Variants in CA8 observed in about 807,000 individuals in gnomAD.
CA8 encodes carbonic anhydrase-related protein.
A neutral mutation model predicts 41.4 loss-of-function variants in CA8; 22 were observed. That is an observed-to-expected ratio of 0.53 (90% CI 0.38 to 0.76). CA8 has a LOEUF of 0.76. CA8 is among the 30% of genes least tolerant of loss of function. CA8 has a pLI of 0.00. For missense variants in CA8, 270 were observed against 352.8 expected (o/e 0.77, Z 1.88); for synonymous variants, 121 against 130.6 (o/e 0.93, Z 0.50).
intron 7 of CA8, among the ~76,000 whole-genome samples, chr8:60,212,431 T>C (rs1362843280): frequency 6.6e-6 from 1 of 152,214 alleles, no homozygotes; most frequent in African/African-American, 2.4e-5. Flanking sequence ...CTATGGACAT[T>C]TATGTGGTTT....
intron 7 of CA8, among the ~76,000 whole-genome samples, chr8:60,215,892 T>G (rs557452971): frequency 3.9e-4 from 59 of 152,354 alleles, no homozygotes; most frequent in African/African-American, 1.1e-3. Flanking sequence ...GTGCCAATAC[T>G]ATTATCCTAT....
intron 3 of CA8, among the ~76,000 whole-genome samples, chr8:60,239,189 G>A (rs1337815955): frequency 6.6e-6 from 1 of 152,132 alleles, no homozygotes; most frequent in Non-Finnish European, 1.5e-5. Flanking sequence ...CCGCAGCCTT[G>A]AACTCCTGGG....
chr8:60,279,588 C>A (rs769488218), intron 2 of CA8, 101 bp downstream of exon 2: 22 of 994,580 alleles, frequency 2.2e-5, no homozygotes, highest in Admixed American at 5.4e-5. Context: ...AATAGAGATA[C>A]GTCAGTTGTA....
At chr8:60,207,625 C>T (rs1347178554) in intron 8 of CA8, among the ~76,000 whole-genome samples, 1 of 152,230 alleles carries the variant, frequency 6.6e-6, no homozygotes, top group African/African-American at 2.4e-5. Flanking sequence ...TCATCCAATT[C>T]ATCACTAGCT....
At chr8:60,216,599 T>C (rs936453218) in intron 7 of CA8, among the ~76,000 whole-genome samples, 1 of 152,212 alleles carries the variant, frequency 6.6e-6, no homozygotes, top group Non-Finnish European at 1.5e-5. Context: ...TTAGACTTTG[T>C]CACTGGCCTA....
intron 2 of CA8, among the ~76,000 whole-genome samples, chr8:60,271,549 A>C (rs1456958145): frequency 6.6e-6 from 1 of 152,234 alleles, no homozygotes; most frequent in Non-Finnish European, 1.5e-5. Context: ...ATTAATAATC[A>C]TCATCATCTA....
In CA8 at chr8:60,232,545, C is replaced by T. The variant is rs140301131; in HGVS notation, c.418-166G>A. 710 of 682,424 alleles carry T rather than the reference C, an allele frequency of 1.0e-3. 2 individuals carry two copies. In the African/African-American group the frequency reaches 0.011, roughly 10 times the overall value. 42.3% of individuals were successfully genotyped at this position (682,424 alleles called of 1,614,324 possible). A position where few individuals can be genotyped will look rare whatever the true frequency, so the allele number is the denominator to read the frequency against. ...TTAATACGAGTTCTCTGTATGAATT[C>T]CTTCCTTCTTATTTCTGAACAGAAG... On this transcript the variant is annotated intron_variant, in intron 3 of 8. Transcript: ENST00000317995.
chr8:60,207,066 C>A (rs1806613786), intron 8 of CA8, among the ~76,000 whole-genome samples: 1 of 152,216 alleles, frequency 6.6e-6, no homozygotes, highest in South Asian at 2.1e-4. Flanking sequence ...TGGCCTTTAG[C>A]CTGCTGCAAC....
intron 3 of CA8, among the ~76,000 whole-genome samples, chr8:60,236,628 G>T (rs1237817476): frequency 6.6e-6 from 1 of 152,166 alleles, no homozygotes. Context: ...ATCCCTTTGG[G>T]GAGGGGGGAT....
chr8:60,212,267 A>G (rs1409128501), intron 7 of CA8, among the ~76,000 whole-genome samples: 2 of 152,230 alleles, frequency 1.3e-5, no homozygotes, highest in African/African-American at 2.4e-5. Context: ...AATGCATTCA[A>G]AGGGCTAATT....
chr8:60,202,778 C>A (rs574671065), intron 8 of CA8, among the ~76,000 whole-genome samples: 6 of 152,028 alleles, frequency 3.9e-5, no homozygotes, highest in Non-Finnish European at 5.9e-5. Flanking sequence ...AAAGCACTTA[C>A]CAAAACATAT....
intron 8 of CA8, among the ~76,000 whole-genome samples, chr8:60,207,762 T>G (rs1490387589): frequency 6.6e-6 from 1 of 152,174 alleles, no homozygotes; most frequent in Non-Finnish European, 1.5e-5. Flanking sequence ...TTTGTTTTGT[T>G]TCATTTTGTT....
intron 7 of CA8, among the ~76,000 whole-genome samples, chr8:60,221,367 T>C (rs769390660): frequency 6.6e-6 from 1 of 152,252 alleles, no homozygotes; most frequent in Admixed American, 6.5e-5. Flanking sequence ...TTAATCTTGT[T>C]ATCTTCTGTG....
intron 2 of CA8, among the ~76,000 whole-genome samples, chr8:60,275,079 A>G (rs1804187994): frequency 6.6e-6 from 1 of 152,202 alleles, no homozygotes. Context: ...CTGGTGGCCA[A>G]CTTGAGCCAT....
chr8:60,220,492 T>C (rs1807206116), intron 7 of CA8, among the ~76,000 whole-genome samples: 2 of 152,176 alleles, frequency 1.3e-5, no homozygotes, highest in Non-Finnish European at 2.9e-5. Context: ...AGTTATTTGA[T>C]GCTTGGGTTG....
chr8:60,236,797 T>C (rs1807844746), intron 3 of CA8, among the ~76,000 whole-genome samples: 1 of 152,172 alleles, frequency 6.6e-6, no homozygotes, highest in East Asian at 1.9e-4. Flanking sequence ...TATTAACAAA[T>C]ACATATATTA....
At chr8:60,263,943 T>C (rs73685409) in intron 3 of CA8, among the ~76,000 whole-genome samples, 8,920 of 152,334 alleles carry the variant, frequency 0.059, 701 homozygotes, top group African/African-American at 0.18. Context: ...GGATCAGGGA[T>C]AATCTGGGAT....
At chr8:60,203,006 T>G (rs1806476919) in intron 8 of CA8, among the ~76,000 whole-genome samples, 1 of 151,898 alleles carries the variant, frequency 6.6e-6, no homozygotes, top group African/African-American at 2.4e-5. Context: ...AACTGCTAAG[T>G]GCAGTAGAAA....
intron 4 of CA8, among the ~76,000 whole-genome samples, chr8:60,230,491 TC>T (rs1316407565): frequency 6.6e-6 from 1 of 152,074 alleles, no homozygotes; most frequent in Non-Finnish European, 1.5e-5. Flanking sequence ...GGAAGGAAAG[TC>T]TACTCAATGT....
Sources: gnomAD v4.1 joint callset for allele counts (sites outside exome capture counted in the v4.1 genomes callset) on GRCh38, gnomAD v4.1.1 for gene constraint, MANE v1.5 for transcripts, NCBI Gene and HGNC (gene_info 2026-07-23, HGNC 2026-07-21) for gene names.